Variants in DLGAP2 observed in about 807,000 individuals in gnomAD.
DLGAP2 encodes DLG associated protein 2, also known as disks large-associated protein 2.
DLGAP2 carries 26 observed loss-of-function variants against 100.3 expected under a neutral mutation model. The ratio of observed to expected loss-of-function variants is 0.26; its 90% CI spans 0.19 to 0.36. DLGAP2 has a LOEUF of 0.36. Ranked by LOEUF, DLGAP2 falls within the 10% of genes least tolerant of loss-of-function variation. DLGAP2 has a pLI of 1.00. For synonymous variants in DLGAP2, 886 were observed against 630.1 expected (o/e 1.41, Z -6.08); for missense variants, 1,858 against 1,453.2 (o/e 1.28, Z -4.53).
chr8:1,007,052 G>C (rs1801136099), intron 2 of DLGAP2, among the ~76,000 whole-genome samples: 1 of 151,880 alleles, frequency 6.6e-6, no homozygotes, highest in Non-Finnish European at 1.5e-5. Context: ...TTATCACGTT[G>C]GGGACACCTT....
intron 1 of DLGAP2, among the ~76,000 whole-genome samples, chr8:888,738 A>T (rs1300893279): frequency 6.6e-6 from 1 of 152,054 alleles, no homozygotes; most frequent in Non-Finnish European, 1.5e-5. Context: ...AGAACAGCCA[A>T]GATGGGTGCC....
chr8:882,338 A>G (rs571609941), intron 1 of DLGAP2, among the ~76,000 whole-genome samples: 3 of 149,652 alleles, frequency 2.0e-5, no homozygotes, highest in African/African-American at 7.4e-5. Context: ...GCCCAGCGGC[A>G]CCGCTCCCTG....
chr8:887,551 C>T (rs1024116513), intron 1 of DLGAP2, among the ~76,000 whole-genome samples: 60 of 152,152 alleles, frequency 3.9e-4, no homozygotes, highest in African/African-American at 1.2e-3. Context: ...TTCAGGAGCT[C>T]TTACAGGGCA....
intron 4 of DLGAP2, among the ~76,000 whole-genome samples, chr8:1,507,495 C>T (rs767211227): frequency 6.6e-6 from 1 of 152,162 alleles, no homozygotes; most frequent in Non-Finnish European, 1.5e-5. Flanking sequence ...GGCCCATGAG[C>T]CCACACCTCT....
intron 3 of DLGAP2, among the ~76,000 whole-genome samples, chr8:1,457,463 A>G (rs1400281952): frequency 1.3e-5 from 2 of 152,206 alleles, no homozygotes; most frequent in Non-Finnish European, 2.9e-5. Flanking sequence ...TCGGTCTCCT[A>G]GAAACATAGG....
intron 1 of DLGAP2, among the ~76,000 whole-genome samples, chr8:893,508 G>C (rs1457890071): frequency 6.6e-6 from 1 of 152,228 alleles, no homozygotes; most frequent in African/African-American, 2.4e-5. Context: ...CAGGAAACCT[G>C]TCCCATGAAG....
intron 3 of DLGAP2, among the ~76,000 whole-genome samples, chr8:1,353,591 A>T (rs7018080): frequency 6.6e-6 from 1 of 151,990 alleles, no homozygotes; most frequent in African/African-American, 2.4e-5. Context: ...TTTCCATTTA[A>T]GATGGTTTGT....
intron 1 of DLGAP2, among the ~76,000 whole-genome samples, chr8:787,531 G>T (rs569663674): frequency 1.3e-5 from 2 of 152,234 alleles, no homozygotes; most frequent in Non-Finnish European, 2.9e-5. Flanking sequence ...AGGATGTGCA[G>T]GGGGCACTGG....
intron 3 of DLGAP2, among the ~76,000 whole-genome samples, chr8:1,304,082 G>C (rs753638627): frequency 6.6e-6 from 1 of 152,204 alleles, no homozygotes; most frequent in Non-Finnish European, 1.5e-5. Context: ...TGGGGGAGAG[G>C]GGTTTTACTG....
chr8:1,660,634 T>G (rs948193547), intron 8 of DLGAP2, among the ~76,000 whole-genome samples: 5 of 152,232 alleles, frequency 3.3e-5, no homozygotes, highest in Non-Finnish European at 7.3e-5. Context: ...ACAGGTCAGT[T>G]ATTTCTATTA....
chr8:1,373,024 C>G (rs371720176), intron 3 of DLGAP2, among the ~76,000 whole-genome samples: 31 of 152,186 alleles, frequency 2.0e-4, no homozygotes, highest in African/African-American at 7.2e-4. Context: ...TTGAGCCGTC[C>G]TTGAAGAACA....
At position 951,500 on chromosome 8, in the gene DLGAP2, C is replaced by G. The variant is rs550256035; in HGVS notation, c.73+43534C>G. ...TCCTGACCTCAGGTGATCTGCCCGTCTTGGCCTCCCAAAGTGCTGGGATTA... is the reference window on the plus strand; with the variant it reads ...TCCTGACCTCAGGTGATCTGCCCGTGTTGGCCTCCCAAAGTGCTGGGATTA... On this transcript the variant is annotated intron_variant, in intron 2 of 14. Transcript: ENST00000637795. 8.6e-4 allele frequency among the ~76,000 whole-genome samples: 131 copies of G among 152,356 alleles called. 1 individual carries two copies. Among genetic ancestry groups the G allele is most frequent in the Non-Finnish European group, 1.6e-3 (106 of 68,042 alleles).
intron 2 of DLGAP2, among the ~76,000 whole-genome samples, chr8:1,152,480 C>A (rs1215908197): frequency 6.6e-6 from 1 of 152,200 alleles, no homozygotes; most frequent in African/African-American, 2.4e-5. Context: ...CTTCAGTTAT[C>A]TGGTCATAGT....
intron 3 of DLGAP2, among the ~76,000 whole-genome samples, chr8:1,268,499 C>A (rs1036111189): frequency 4.6e-5 from 7 of 152,200 alleles, no homozygotes; most frequent in Admixed American, 4.6e-4. Context: ...GTTAGAGTGT[C>A]GCCATCTCCA....
In DLGAP2 at chr8:1,549,538, A is replaced by G; in HGVS notation, c.1085A>G (p.Asp362Gly). 14 of 1,613,252 alleles carry G rather than the reference A, an allele frequency of 8.7e-6. No homozygotes were observed. The highest frequency in any genetic ancestry group is 1.2e-5 in the Non-Finnish European group (14 of 1,179,838). The change falls in exon 5 of 15, where the codon GAC (aspartate) becomes GGC (glycine). Residue 362 changes from aspartate (D) to glycine (G), a missense_variant. Physicochemically the swap from Asp to Gly is moderately conservative, Grantham distance 94. Transcript: ENST00000637795. ...SACEGLALTP[D>G]AKYLKRSSWS... ...TGTGAGGGGTTGGCGCTGACGCCCG[A>G]CGCCAAGTACCTGAAGCGCAGCTCC...
rs371929003 is a variant in DLGAP2, at chr8:1,280,723, C to G, written c.106+21840C>G. On this transcript the variant is annotated intron_variant, in intron 3 of 14. Coordinates refer to ENST00000637795, the MANE Select transcript of DLGAP2 (RefSeq NM_001346810.2). The stretch of plus-strand genomic sequence containing the variant: ...GAGCTTGGTGCCACCTTCATCTGGG[C>G]AGAGGAGTATAAGGATAAGAGGCTG... 3.0e-4 allele frequency among the ~76,000 whole-genome samples: 46 copies of G among 152,234 alleles called. No individual in the cohort carries two copies. In the South Asian group the frequency reaches 9.1e-3, roughly 30 times the overall value.
At chr8:1,413,977 G>T (rs983650817) in intron 3 of DLGAP2, among the ~76,000 whole-genome samples, 1 of 152,204 alleles carries the variant, frequency 6.6e-6, no homozygotes, top group African/African-American at 2.4e-5. Flanking sequence ...TCAACAGGGT[G>T]CTGTGATTGA....
Position 1,566,771 on chromosome 8 carries a change from T to C in DLGAP2, c.1442+877T>C, listed in dbSNP as rs114470709. On this transcript the variant is annotated intron_variant, in intron 6 of 14. Coordinates refer to ENST00000637795, the MANE Select transcript of DLGAP2 (RefSeq NM_001346810.2). ...ATGAGCCAGTGACCATATAACCTCT[T>C]CCAATACATCTAGTTATTCATCGCT... Among the ~76,000 whole-genome samples the C allele has an allele frequency of 6.8e-3, 1,034 of 152,308 alleles. 17 individuals carry two copies. Among genetic ancestry groups the C allele is most frequent in the African/African-American group, 0.024 (986 of 41,558 alleles).
At chr8:1,019,008 C>T (rs961464922) in intron 2 of DLGAP2, 6 of 152,152 alleles carry the variant, frequency 3.9e-5, no homozygotes, top group African/African-American at 1.4e-4. Flanking sequence ...TCGTCTGACA[C>T]CGTGGGGCCA....
Sources: gnomAD v4.1 joint callset for allele counts (sites outside exome capture counted in the v4.1 genomes callset) on GRCh38, gnomAD v4.1.1 for gene constraint, MANE v1.5 for transcripts, NCBI Gene and HGNC (gene_info 2026-07-23, HGNC 2026-07-21) for gene names.